SSPN: variants seen among roughly 807,000 people sequenced by gnomAD.
The protein encoded by SSPN is sarcospan, also known as K-ras oncogene-associated protein.
A neutral mutation model predicts 19.1 loss-of-function variants in SSPN; 15 were observed. The observed-to-expected ratio is 0.78, with a 90% CI of 0.52 to 1.21. The LOEUF (loss-of-function observed/expected upper bound fraction) is 1.21, where lower values mean the gene tolerates loss of function less well. SSPN is among the 50% of genes most tolerant of loss of function. SSPN has a pLI of 0.00. For synonymous variants in SSPN, 147 were observed against 140.3 expected (o/e 1.05, Z -0.34); for missense variants, 291 against 314.0 (o/e 0.93, Z 0.55).
intron 1 of SSPN, chr12:26,124,284 T>C (rs1944342981): frequency 7.6e-6 from 4 of 523,184 alleles, no homozygotes; most frequent in Non-Finnish European, 9.9e-6. Flanking sequence ...TAAAACATAC[T>C]ATGTGATAAA....
At chr12:26,220,371 G>A (rs1295892786) in intron 1 of SSPN, among the ~76,000 whole-genome samples, 4 of 150,918 alleles carry the variant, frequency 2.7e-5, no homozygotes, top group Non-Finnish European at 5.9e-5. Flanking sequence ...CCCTGTACAA[G>A]AACCTAAATT....
At chr12:26,137,790 G>A (rs942913498) in intron 1 of SSPN, among the ~76,000 whole-genome samples, 1 of 148,102 alleles carries the variant, frequency 6.8e-6, no homozygotes, top group Non-Finnish European at 1.5e-5. Flanking sequence ...TCAGCCTCCC[G>A]AGTAGCTGGG....
intron 1 of SSPN, chr12:26,123,657 G>T: frequency 6.2e-7 from 1 of 1,613,606 alleles, no homozygotes; most frequent in Non-Finnish European, 8.5e-7. Context: ...ATCTTCTGAT[G>T]CTGTTGCTCG....
At chr12:26,122,058 G>C in exon 1 of SSPN, 1 of 1,549,322 alleles carries the variant, frequency 6.5e-7, no homozygotes. Flanking sequence ...CCTTCGGGAC[G>C]CAAGGATTCA....
chr12:26,207,983 G>C (rs1301035286), intron 1 of SSPN, among the ~76,000 whole-genome samples: 1 of 145,492 alleles, frequency 6.9e-6, no homozygotes, highest in African/African-American at 2.5e-5. Flanking sequence ...CTGGGCAACA[G>C]AGCAAGACCC....
intron 2 of SSPN, among the ~76,000 whole-genome samples, chr12:26,226,316 G>A (rs764571817): frequency 8.5e-5 from 13 of 152,144 alleles, no homozygotes; most frequent in Non-Finnish European, 1.3e-4. Context: ...TTTCTCATCA[G>A]CATAGCCGCA....
intron 1 of SSPN, chr12:26,122,426 C>T: frequency 7.4e-7 from 1 of 1,349,482 alleles, no homozygotes; most frequent in Non-Finnish European, 9.6e-7. Context: ...GGAAGGGCTG[C>T]ACGTAGGCGG....
At chr12:26,174,406 C>G (rs1944670478) in intron 1 of SSPN, among the ~76,000 whole-genome samples, 1 of 151,874 alleles carries the variant, frequency 6.6e-6, no homozygotes, top group Admixed American at 6.6e-5. Flanking sequence ...GGTAAGTTTT[C>G]CCATCACCTT....
At chr12:26,218,218 CA>C (rs1251597103) in intron 1 of SSPN, among the ~76,000 whole-genome samples, 10 of 130,542 alleles carry the variant, frequency 7.7e-5, no homozygotes, top group Non-Finnish European at 1.3e-4. Flanking sequence ...ATCGCAAGAA[CA>C]AAAAACCAAA....
At chr12:26,201,009 GTGTATATA>G (rs1291588394) in intron 1 of SSPN, among the ~76,000 whole-genome samples, 5 of 47,382 alleles carry the variant, frequency 1.1e-4, no homozygotes, top group African/African-American at 3.7e-4. Context: ...AAGTTAATTT[GTGTATATA>G]TATATATATA....
upstream of SSPN, among the ~76,000 whole-genome samples, chr12:26,190,826 T>A (rs913465236): frequency 1.3e-5 from 2 of 152,230 alleles, no homozygotes; most frequent in African/African-American, 4.8e-5. Flanking sequence ...TGTTGTTCAA[T>A]GACTTTTGAC....
upstream of SSPN, among the ~76,000 whole-genome samples, chr12:26,193,240 G>T (rs977344548): frequency 5.3e-5 from 8 of 152,190 alleles, no homozygotes; most frequent in African/African-American, 1.9e-4. Flanking sequence ...ATACATACAG[G>T]AAGTAATTAA....
chr12:26,122,347 G>T, intron 1 of SSPN: 9 of 1,182,472 alleles, frequency 7.6e-6, no homozygotes, highest in Non-Finnish European at 9.4e-6. Flanking sequence ...GGGATGCCGG[G>T]GTATAGCAGC....
intron 1 of SSPN, among the ~76,000 whole-genome samples, chr12:26,182,795 C>G (rs1944728346): frequency 6.9e-6 from 1 of 145,630 alleles, no homozygotes; most frequent in African/African-American, 2.6e-5. Flanking sequence ...GATGGATCCT[C>G]TCAGTCACCC....
chr12:26,136,494 G>A (rs895315590), intron 1 of SSPN, among the ~76,000 whole-genome samples: 5 of 152,144 alleles, frequency 3.3e-5, no homozygotes, highest in Admixed American at 6.5e-5. Flanking sequence ...TGTTTATTGC[G>A]TGTCCATGAC....
upstream of SSPN, among the ~76,000 whole-genome samples, chr12:26,192,074 C>T (rs760771660): frequency 6.6e-6 from 1 of 152,102 alleles, no homozygotes; most frequent in South Asian, 2.1e-4. Flanking sequence ...TCATCTTCCC[C>T]GTTCTGAACT....
intron 1 of SSPN, chr12:26,124,173 A>G: frequency 6.3e-7 from 1 of 1,590,272 alleles, no homozygotes; most frequent in Non-Finnish European, 8.6e-7. Context: ...GGTAATTTGT[A>G]GGTATCCTTA....
intron 1 of SSPN, chr12:26,123,773 G>C (rs1944336606): frequency 6.9e-7 from 1 of 1,444,866 alleles, no homozygotes; most frequent in Non-Finnish European, 9.7e-7. Context: ...ACGGGCACTT[G>C]GTTACTTAAA....
rs553987437 is a variant in SSPN, at chr12:26,124,943, C to G, written c.-31+2791C>G. The G allele has an allele frequency of 1.4e-4, 100 of 733,576 alleles. No individual in the cohort carries two copies. In the African/African-American group the frequency reaches 1.6e-3, roughly 12 times the overall value. The allele number at this position is 733,576 out of a possible 1,614,324, so 45.4% of individuals were successfully genotyped here. On this transcript the variant is annotated intron_variant, in intron 1 of 2. Transcript: ENST00000538142. ...GAAAGTGTGAAGCAGTTGGTCCCCC[C>G]CCTCCACCGCGCTCGCACACACACA... is the stretch of plus-strand genomic sequence containing the variant.
Sources: allele counts gnomAD v4.1 joint callset (sites outside exome capture counted in the v4.1 genomes callset), GRCh38; gene constraint gnomAD v4.1.1; transcripts MANE v1.5; gene names NCBI Gene and HGNC (gene_info 2026-07-23, HGNC 2026-07-21).